PLBD1: variants seen among roughly 807,000 people sequenced by gnomAD.
The protein encoded by PLBD1 is lysosomal leucine aminopeptidase.
PLBD1 carries 60 observed loss-of-function variants against 63.0 expected under a neutral mutation model. That is an observed-to-expected ratio of 0.95 (90% confidence interval 0.77 to 1.18). The LOEUF is 1.18. PLBD1 is among the 50% of genes most tolerant of loss of function. The pLI, the probability that PLBD1 is intolerant of heterozygous loss-of-function variation, is 0.00. For synonymous variants in PLBD1, 262 were observed against 248.0 expected (o/e 1.06, Z -0.53); for missense variants, 598 against 677.9 (o/e 0.88, Z 1.31).
intron 6 of PLBD1, among the ~76,000 whole-genome samples, chr12:14,517,304 C>A (rs1263140348): frequency 6.6e-6 from 1 of 152,004 alleles, no homozygotes; most frequent in African/African-American, 2.4e-5. Context: ...CACCACCACA[C>A]CTGGCTAAAT....
intron 2 of PLBD1, 147 bp from the exon 3 acceptor site, chr12:14,542,438 T>C: frequency 5.0e-6 from 3 of 600,340 alleles, no homozygotes. Context: ...AAATGCACAG[T>C]TTCAAATTGG....
At chr12:14,516,581 T>A (rs976271686) in intron 6 of PLBD1, among the ~76,000 whole-genome samples, 1 of 152,140 alleles carries the variant, frequency 6.6e-6, no homozygotes, top group Non-Finnish European at 1.5e-5. Flanking sequence ...GAGGTATGTA[T>A]ACATGTATGG....
chr12:14,547,232 T>A (rs369006112), intron 2 of PLBD1, among the ~76,000 whole-genome samples: 8 of 142,238 alleles, frequency 5.6e-5, no homozygotes, highest in African/African-American at 2.0e-4. Flanking sequence ...GTAGACTAGC[T>A]TTTTTGATTC....
At position 14,507,093 on chromosome 12, in the gene PLBD1, A is replaced by T; in HGVS notation, c.1212T>A (p.Pro404=). The T allele has an allele frequency of 6.2e-7, 1 of 1,612,170 alleles. No individual in the cohort carries two copies. ...TCCAGTTGTAGATTTTTTCATGGAA[A>T]GGAACATTGTAGGAGGGCCAATATC... ...RKGYWPSYNV[P]FHEKIYNWSG... Residue 404 remains proline, a synonymous_variant, in exon 9 of 11, where the codon CCT becomes CCA. Coordinates refer to ENST00000240617, the MANE Select transcript of PLBD1 (RefSeq NM_024829.6).
At position 14,506,929 on chromosome 12, in the gene PLBD1, G is replaced by T; in HGVS notation, c.1372+4C>A. 6.2e-7 allele frequency: 1 copy of T among 1,612,442 alleles called. No individual in the cohort carries two copies. The highest frequency in any genetic ancestry group is 8.5e-7 in the Non-Finnish European group (1 of 1,178,754). On this transcript the variant is annotated splice_donor_region_variant and intron_variant, in intron 9 of 10. Transcript: ENST00000240617. Reference sequence around the variant, plus strand: ...GAATGATTCTTGAGAAATATGCTACGTACTGTTGTATCGCATGATATATTT... The same window carrying T: ...GAATGATTCTTGAGAAATATGCTACTTACTGTTGTATCGCATGATATATTT...
intron 1 of PLBD1, among the ~76,000 whole-genome samples, chr12:14,559,957 T>C (rs1189141521): frequency 6.6e-6 from 1 of 151,652 alleles, no homozygotes; most frequent in Admixed American, 6.6e-5. Flanking sequence ...GCCTCCCGGG[T>C]TCAAGCGATT....
intron 4 of PLBD1, among the ~76,000 whole-genome samples, chr12:14,540,299 A>G (rs1366620307): frequency 2.0e-5 from 3 of 151,706 alleles, no homozygotes; most frequent in Admixed American, 6.6e-5. Context: ...GAAGTACATC[A>G]AATGGTACAT....
At chr12:14,513,537 C>T (rs915000001) in intron 6 of PLBD1, among the ~76,000 whole-genome samples, 2 of 152,150 alleles carry the variant, frequency 1.3e-5, no homozygotes, top group African/African-American at 2.4e-5. Context: ...GTCAAAGAAA[C>T]GGGTCACCTG....
intron 1 of PLBD1, among the ~76,000 whole-genome samples, chr12:14,554,952 C>T (rs1003821099): frequency 1.3e-5 from 2 of 152,106 alleles, no homozygotes; most frequent in African/African-American, 4.8e-5. Flanking sequence ...TTTTCTCTCT[C>T]AGTGATCTCC....
At chr12:14,504,432 G>A (rs1341426553) in intron 10 of PLBD1, among the ~76,000 whole-genome samples, 1 of 152,186 alleles carries the variant, frequency 6.6e-6, no homozygotes, top group African/African-American at 2.4e-5. Context: ...TGGCTTAAAT[G>A]TCAGTTGACT....
intron 8 of PLBD1, among the ~76,000 whole-genome samples, chr12:14,507,722 C>T (rs1945266806): frequency 6.6e-6 from 1 of 152,082 alleles, no homozygotes; most frequent in African/African-American, 2.4e-5. Context: ...TGGGGATGAT[C>T]TTTTAGGTTA....
intron 1 of PLBD1, among the ~76,000 whole-genome samples, chr12:14,563,901 C>T (rs534030004): frequency 1.3e-4 from 20 of 152,268 alleles, no homozygotes; most frequent in South Asian, 8.3e-4. Flanking sequence ...AATGAACATA[C>T]TGAGCAACTG....
At chr12:14,540,015 TATATA>T (rs1565577497) in intron 4 of PLBD1, among the ~76,000 whole-genome samples, 1,454 of 10,764 alleles carry the variant, frequency 0.14, 80 homozygotes, top group Middle Eastern at 0.2. Context: ...GCTATGCACA[TATATA>T]TATATATATA....
rs1269660515 is a variant in PLBD1, at chr12:14,507,018, A to T, written c.1287T>A (p.Asp429Glu). The T allele has an allele frequency of 6.2e-7, 1 of 1,614,100 alleles. No homozygotes were observed. Among genetic ancestry groups the T allele is most frequent in the Admixed American group, 1.7e-5 (1 of 60,004 alleles). The change falls in exon 9 of 11, where the codon GAT becomes GAA. Residue 429 changes from aspartate to glutamate, a missense_variant. By Grantham distance (45) the Asp-to-Glu change is conservative (BLOSUM62 2). Coordinates refer to ENST00000240617, the MANE Select transcript of PLBD1 (RefSeq NM_024829.6). ...GGAAAATTTTGGCTCGTGGAGCTAAATCATAAGAGTAGTCCAAGCCCAGCT... is the reference window on the plus strand; with the variant it reads ...GGAAAATTTTGGCTCGTGGAGCTAATTCATAAGAGTAGTCCAAGCCCAGCT... ...VQKLGLDYSY[D>E]LAPRAKIFRR...
At chr12:14,531,186 C>CG (rs1196945361) in intron 6 of PLBD1, 1 of 152,140 alleles carries the variant, frequency 6.6e-6, no homozygotes, top group Non-Finnish European at 1.5e-5. Flanking sequence ...AATCAGTGCA[C>CG]GTGAAGATTT....
intron 8 of PLBD1, among the ~76,000 whole-genome samples, chr12:14,510,602 C>T (rs1440463687): frequency 6.6e-6 from 1 of 152,096 alleles, no homozygotes. Context: ...ACCTATATCA[C>T]GATTCAGTTT....
chr12:14,529,273 G>T (rs1945441212), intron 6 of PLBD1, among the ~76,000 whole-genome samples: 1 of 151,786 alleles, frequency 6.6e-6, no homozygotes, highest in African/African-American at 2.4e-5. Context: ...TTAGGAGAAA[G>T]AAATAATTCC....
intron 8 of PLBD1, among the ~76,000 whole-genome samples, chr12:14,508,941 G>A (rs1945275436): frequency 6.6e-6 from 1 of 151,978 alleles, no homozygotes; most frequent in Non-Finnish European, 1.5e-5. Flanking sequence ...AACATCCAGG[G>A]CTTCTATCAC....
chr12:14,507,830 T>C (rs1044462237), intron 8 of PLBD1, among the ~76,000 whole-genome samples: 3 of 152,194 alleles, frequency 2.0e-5, no homozygotes, highest in African/African-American at 7.2e-5. Context: ...TACTAGTCAC[T>C]GAGCACCAAA....
Sources: gnomAD v4.1 joint callset for allele counts (sites outside exome capture counted in the v4.1 genomes callset) on GRCh38, gnomAD v4.1.1 for gene constraint, MANE v1.5 for transcripts, NCBI Gene and HGNC (gene_info 2026-07-23, HGNC 2026-07-21) for gene names.